ZNF578: variants seen among roughly 807,000 people sequenced by gnomAD.
The protein encoded by ZNF578 is Putative chemokine-related protein B42.
Under a neutral mutation model 8.3 loss-of-function variants are expected in ZNF578, and 8 were observed. That is an observed-to-expected ratio of 0.96 (90% CI 0.56 to 1.74). The LOEUF (loss-of-function observed/expected upper bound fraction) is 1.74, where lower values mean the gene tolerates loss of function less well. ZNF578 is among the 40% of genes most tolerant of loss of function. ZNF578 has a pLI of 0.00. For missense variants in ZNF578, 726 were observed against 707.5 expected, an observed-to-expected ratio of 1.03 and a Z score of -0.30; for synonymous variants, 206 against 232.2, an observed-to-expected ratio of 0.89 and a Z score of 1.03.
chr19:52,500,469 C>T (rs1291861175), intron 3 of ZNF578, among the ~76,000 whole-genome samples: 2 of 147,656 alleles, frequency 1.4e-5, no homozygotes, highest in Admixed American at 6.8e-5. Flanking sequence ...TGCAGTGGCA[C>T]GATCTTGGCT....
At chr19:52,489,544 C>T (rs1159614162) in intron 2 of ZNF578, among the ~76,000 whole-genome samples, 1 of 151,922 alleles carries the variant, frequency 6.6e-6, no homozygotes, top group Non-Finnish European at 1.5e-5. Flanking sequence ...GCCAAGGTCA[C>T]GCCATTGCAC....
At chr19:52,459,271 C>T (rs1042941506) in intron 2 of ZNF578, among the ~76,000 whole-genome samples, 2 of 152,142 alleles carry the variant, frequency 1.3e-5, no homozygotes, top group Admixed American at 6.5e-5. Context: ...CTCACTATAG[C>T]CTCTGTCAAC....
At chr19:52,468,809 A>G (rs987411236) in intron 2 of ZNF578, among the ~76,000 whole-genome samples, 2 of 152,134 alleles carry the variant, frequency 1.3e-5, no homozygotes, top group Non-Finnish European at 2.9e-5. Flanking sequence ...TCTTCTTCCC[A>G]TGCTGGATGC....
At chr19:52,479,425 C>T (rs553204409) in intron 2 of ZNF578, among the ~76,000 whole-genome samples, 1 of 150,858 alleles carries the variant, frequency 6.6e-6, no homozygotes, top group East Asian at 2.0e-4. Flanking sequence ...GTCCCACCTA[C>T]TTGGGAGGCT....
At chr19:52,480,674 G>C (rs2059322990) in intron 2 of ZNF578, among the ~76,000 whole-genome samples, 1 of 151,866 alleles carries the variant, frequency 6.6e-6, no homozygotes, top group South Asian at 2.1e-4. Context: ...GAGGCAGGTG[G>C]ATCACAAGGT....
chr19:52,504,673 G>A lies in ZNF578; in HGVS notation c.82G>A (p.Asp28Asn). 2 of 1,614,098 alleles carry A rather than the reference G, an allele frequency of 1.2e-6. No homozygotes were observed. Among genetic ancestry groups the A allele is most frequent in the Non-Finnish European group, 1.7e-6 (2 of 1,180,010 alleles). ...ALPQGRLTFR[D>N]VAIEFSLAEW... ...ATTTTAGGGACGCTTGACTTTCAGGGATGTGGCTATAGAATTCTCATTGGC... is the reference window on the plus strand; with the variant it reads ...ATTTTAGGGACGCTTGACTTTCAGGAATGTGGCTATAGAATTCTCATTGGC... Residue 28 changes from aspartate to asparagine, a missense_variant, in exon 5 of 6, where the codon GAT (aspartate) becomes AAT (asparagine). Asp to Asn is a conservative substitution (Grantham distance 23, BLOSUM62 1). Coordinates refer to ENST00000421239, the MANE Select transcript of ZNF578 (RefSeq NM_001099694.2).
intron 2 of ZNF578, among the ~76,000 whole-genome samples, chr19:52,478,226 C>T (rs1271037293): frequency 6.6e-6 from 1 of 152,242 alleles, no homozygotes; most frequent in Non-Finnish European, 1.5e-5. Flanking sequence ...AATACAGATT[C>T]TAGCAATCCT....
chr19:52,471,620 A>T (rs1673893), intron 2 of ZNF578, among the ~76,000 whole-genome samples: 136,498 of 152,162 alleles, frequency 0.9, 61,808 homozygotes, highest in Non-Finnish European at 0.96. Context: ...ACCCCAAGCC[A>T]GTCATCTATT....
At chr19:52,500,634 C>T (rs1053718793) in intron 3 of ZNF578, among the ~76,000 whole-genome samples, 3 of 152,002 alleles carry the variant, frequency 2.0e-5, no homozygotes, top group East Asian at 3.9e-4. Flanking sequence ...CTGCCTTCCT[C>T]GGCCTCCCAC....
chr19:52,497,297 C>T (rs1304196610), intron 3 of ZNF578, among the ~76,000 whole-genome samples: 1 of 152,238 alleles, frequency 6.6e-6, no homozygotes, highest in East Asian at 1.9e-4. Flanking sequence ...CAGATTTCAG[C>T]ATGTTGGCCA....
intron 2 of ZNF578, among the ~76,000 whole-genome samples, chr19:52,466,258 T>G (rs1002292041): frequency 6.6e-6 from 1 of 152,224 alleles, no homozygotes; most frequent in African/African-American, 2.4e-5. Flanking sequence ...AGAGCAGCTG[T>G]GGGGAGTGGG....
chr19:52,514,227 T>G lies in ZNF578; in HGVS notation c.*2073T>G, dbSNP rs1480445604. ...TCTGAAAGATGCCTTTGCAGCATCC[T>G]GTAATCAGCTCACATCATTCGTTTC... On this transcript the variant is annotated 3_prime_UTR_variant, in exon 6 of 6. Coordinates refer to ENST00000421239, the MANE Select transcript of ZNF578 (RefSeq NM_001099694.2). Among the ~76,000 whole-genome samples, 5 of 152,220 alleles carry G rather than the reference T, an allele frequency of 3.3e-5. No homozygotes were observed. Among genetic ancestry groups the G allele is most frequent in the African/African-American group, 1.2e-4 (5 of 41,466 alleles).
chr19:52,493,580 G>C (rs1249252270), intron 3 of ZNF578, among the ~76,000 whole-genome samples: 5 of 152,076 alleles, frequency 3.3e-5, no homozygotes, highest in Non-Finnish European at 7.4e-5. Flanking sequence ...AGTGGGGACA[G>C]GGGGGTATAA....
chr19:52,513,272 T>G lies in ZNF578; in HGVS notation c.*1118T>G, dbSNP rs995862236. ...CCCGATCTCAGGTGATCCGCCCACC[T>G]CAGCCTCCCAAAGTGATGAGATTAC... On this transcript the variant is annotated 3_prime_UTR_variant, in exon 6 of 6. Transcript: ENST00000421239. Among the ~76,000 whole-genome samples, 10 of 149,972 alleles carry G rather than the reference T, an allele frequency of 6.7e-5. No individual in the cohort carries two copies. The highest frequency in any genetic ancestry group is 2.4e-4 in the African/African-American group (10 of 41,098).
At position 52,511,666 on chromosome 19, in the gene ZNF578, T is replaced by A; in HGVS notation, c.1285T>A (p.Cys429Ser). ...RLHTGEKPYK[C>S]NDCGKAFIHQ... The stretch of plus-strand genomic sequence containing the variant: ...TCATACTGGAGAGAAACCTTACAAG[T>A]GTAATGACTGTGGTAAGGCTTTTAT... Residue 429 changes from cysteine to serine, a missense_variant, in exon 6 of 6, where the codon TGT becomes AGT. Transcript: ENST00000421239. The A allele has an allele frequency of 6.2e-7, 1 of 1,614,014 alleles. No individual in the cohort carries two copies. The highest frequency in any genetic ancestry group is 8.5e-7 in the Non-Finnish European group (1 of 1,179,938).
chr19:52,483,864 C>T (rs1039381238), intron 2 of ZNF578, among the ~76,000 whole-genome samples: 1 of 152,034 alleles, frequency 6.6e-6, no homozygotes, highest in African/African-American at 2.4e-5. Context: ...GGTGGCCTGC[C>T]CCTCCACACT....
intron 3 of ZNF578, among the ~76,000 whole-genome samples, chr19:52,493,724 C>T (rs1443907654): frequency 6.6e-6 from 1 of 152,104 alleles, no homozygotes; most frequent in Non-Finnish European, 1.5e-5. Context: ...GGCGCGGTGG[C>T]TTATGCCTGT....
At chr19:52,461,152 C>T (rs1568454587) in intron 2 of ZNF578, among the ~76,000 whole-genome samples, 1 of 152,214 alleles carries the variant, frequency 6.6e-6, no homozygotes, top group South Asian at 2.1e-4. Flanking sequence ...AAAATGTGTT[C>T]CTTTCATTTG....
chr19:52,478,772 G>A (rs1205910019), intron 2 of ZNF578, among the ~76,000 whole-genome samples: 2 of 151,852 alleles, frequency 1.3e-5, no homozygotes, highest in Non-Finnish European at 2.9e-5. Context: ...GGAGTGCAGT[G>A]GCATGATCTC....
Sources: gnomAD v4.1 joint callset for allele counts (sites outside exome capture counted in the v4.1 genomes callset) on GRCh38, gnomAD v4.1.1 for gene constraint, MANE v1.5 for transcripts, NCBI Gene and HGNC (gene_info 2026-07-23, HGNC 2026-07-21) for gene names.